KIF6: variants seen among roughly 807,000 people sequenced by gnomAD.
The protein encoded by KIF6 is kinesin-like protein KIF6.
KIF6 carries 106 observed loss-of-function variants against 112.7 expected under a neutral mutation model. The ratio of observed to expected loss-of-function variants is 0.94; its 90% CI spans 0.80 to 1.11. The LOEUF (loss-of-function observed/expected upper bound fraction) is 1.11, where lower values mean the gene tolerates loss of function less well. Among genes scored for constraint, KIF6 ranks in the 50% least tolerant of loss-of-function variants. KIF6 has a pLI of 0.00. For synonymous variants in KIF6, 339 were observed against 339.9 expected, an observed-to-expected ratio of 1.00 and a Z score of 0.03; for missense variants, 929 against 964.0, an observed-to-expected ratio of 0.96 and a Z score of 0.48.
intron 10 of KIF6, among the ~76,000 whole-genome samples, chr6:39,566,526 C>T (rs1780287254): frequency 6.6e-6 from 1 of 152,146 alleles, no homozygotes; most frequent in Non-Finnish European, 1.5e-5. Context: ...TCCATTCTGG[C>T]AATTTATAGT....
chr6:39,346,427 G>C lies in KIF6; in HGVS notation c.2231+49C>G, dbSNP rs370305271. The C allele has an allele frequency of 1.5e-5, 11 of 716,902 alleles. No individual in the cohort carries two copies. In the African/African-American group the frequency reaches 1.9e-4, roughly 13 times the overall value. The allele number at this position is 716,902 out of a possible 1,614,324, so 44.4% of individuals were successfully genotyped here. On this transcript the variant is annotated intron_variant, in intron 20 of 22. Coordinates refer to ENST00000287152, the MANE Select transcript of KIF6 (RefSeq NM_145027.6). ...CTCCCTTGCCCCTTCCACCATGTGA[G>C]GATGCGTCGAGAAGACAGCTGTCTA...
intron 4 of KIF6, among the ~76,000 whole-genome samples, chr6:39,638,896 C>T (rs772489030): frequency 6.6e-6 from 1 of 151,874 alleles, no homozygotes; most frequent in Non-Finnish European, 1.5e-5. Flanking sequence ...AAAGCCAGTC[C>T]GAGGTATAGA....
In KIF6 at chr6:39,541,252, T is replaced by C. The variant is rs540101015; in HGVS notation, c.1427-1031A>G. On this transcript the variant is annotated intron_variant, in intron 12 of 22. Coordinates refer to ENST00000287152, the MANE Select transcript of KIF6 (RefSeq NM_145027.6). The stretch of plus-strand genomic sequence containing the variant: ...AGTCATTTGACCTTCATCTTCCTCC[T>C]CAGCTTTAACTCCCACTTGGTGATT... Among the ~76,000 whole-genome samples, 4 of 152,358 alleles carry C rather than the reference T, an allele frequency of 2.6e-5. No individual in the cohort carries two copies. The South Asian group carries it at 6.2e-4, about 24-fold the overall frequency.
chr6:39,612,474 C>T (rs1262192176), intron 6 of KIF6, among the ~76,000 whole-genome samples: 1 of 152,172 alleles, frequency 6.6e-6, no homozygotes, highest in Admixed American at 6.5e-5. Flanking sequence ...AAACCAGTTA[C>T]AATTTGGGCC....
In KIF6 at chr6:39,649,741, GAAA is replaced by G. The variant is rs1256939704; in HGVS notation, c.252-9987_252-9985del. 5.9e-4 allele frequency among the ~76,000 whole-genome samples: 58 copies of G among 99,078 alleles called. 1 individual carries two copies. Among genetic ancestry groups the G allele is most frequent in the South Asian group, 4.6e-4 (1 of 2,192 alleles). The allele number at this position is 99,078 out of a possible 152,430, so 65.0% of individuals were successfully genotyped here. ...CTGATTAAAGAAAGAAAGAAAGAAAGAAAGAAAGAAAGAAAGAAAGAAAGAAAG... is the reference window on the plus strand; with the variant it reads ...CTGATTAAAGAAAGAAAGAAAGAAAGGAAAGAAAGAAAGAAAGAAAGAAAG... On this transcript the variant is annotated intron_variant, in intron 3 of 22. Coordinates refer to ENST00000287152, the MANE Select transcript of KIF6 (RefSeq NM_145027.6).
chr6:39,616,129 C>A (rs535431465), intron 5 of KIF6, among the ~76,000 whole-genome samples: 1 of 152,086 alleles, frequency 6.6e-6, no homozygotes, highest in African/African-American at 2.4e-5. Flanking sequence ...CACTGATTTG[C>A]GATTATATTT....
intron 13 of KIF6, among the ~76,000 whole-genome samples, chr6:39,497,972 G>A (rs1380815795): frequency 6.6e-6 from 1 of 152,180 alleles, no homozygotes; most frequent in African/African-American, 2.4e-5. Context: ...AATCTAGGAT[G>A]TCTTAGAGAA....
At chr6:39,631,814 C>T in intron 5 of KIF6, among the ~76,000 whole-genome samples, 1 of 151,666 alleles carries the variant, frequency 6.6e-6, no homozygotes, top group African/African-American at 2.4e-5. Context: ...CTCCTATTTC[C>T]TGAAAGAGAT....
intron 6 of KIF6, 131 bp downstream of exon 6, chr6:39,613,058 G>A (rs1223105635): frequency 3.1e-6 from 2 of 643,922 alleles, no homozygotes; most frequent in Non-Finnish European, 4.6e-6. Flanking sequence ...TGCATGTGAG[G>A]TTTGGACGAG....
At chr6:39,404,850 G>A (rs975180281) in intron 15 of KIF6, among the ~76,000 whole-genome samples, 5 of 151,276 alleles carry the variant, frequency 3.3e-5, no homozygotes, top group African/African-American at 1.2e-4. Context: ...TTTTTTATTA[G>A]AGTTTGTTGG....
chr6:39,699,974 A>G (rs1397364815), intron 3 of KIF6, among the ~76,000 whole-genome samples: 1 of 152,200 alleles, frequency 6.6e-6, no homozygotes, highest in Non-Finnish European at 1.5e-5. Context: ...TCCAGCTCAC[A>G]AATCATTTTT....
At chr6:39,681,977 C>CG (rs11383191) in intron 3 of KIF6, among the ~76,000 whole-genome samples, 135,921 of 151,976 alleles carry the variant, frequency 0.89, 61,184 homozygotes, top group East Asian at 0.97. Flanking sequence ...AAATGCTCAT[C>CG]GGGGGAAATA....
intron 3 of KIF6, among the ~76,000 whole-genome samples, chr6:39,707,468 G>A (rs1177020154): frequency 2.0e-5 from 3 of 152,204 alleles, no homozygotes; most frequent in African/African-American, 7.2e-5. Flanking sequence ...ATCTGGGCAG[G>A]GTGGTTAAGT....
chr6:39,639,565 C>A, intron 4 of KIF6, 45 bp downstream of exon 4: 1 of 1,440,418 alleles, frequency 6.9e-7, no homozygotes. Flanking sequence ...TATATTTTTG[C>A]TGAATATATC....
intron 4 of KIF6, among the ~76,000 whole-genome samples, chr6:39,636,334 A>C (rs1402169036): frequency 6.6e-6 from 1 of 152,066 alleles, no homozygotes; most frequent in Non-Finnish European, 1.5e-5. Context: ...CTCAAGCTAC[A>C]GCTGAAATTC....
rs374466057 is a variant in KIF6 at position 39,433,329 on chromosome 6, G to A, written c.1646-2168C>T. ...CGTGGAGGGCACAGAGGAGACAAGCGCAGGCAGTTTGGGATCGTTGTGTAC... is the reference window on the plus strand; with the variant it reads ...CGTGGAGGGCACAGAGGAGACAAGCACAGGCAGTTTGGGATCGTTGTGTAC... On this transcript the variant is annotated intron_variant, in intron 13 of 22. Coordinates refer to ENST00000287152, the MANE Select transcript of KIF6 (RefSeq NM_145027.6). 9.2e-5 allele frequency among the ~76,000 whole-genome samples: 14 copies of A among 152,358 alleles called. No individual in the cohort carries two copies. In the South Asian group the frequency reaches 2.9e-3, roughly 32 times the overall value.
chr6:39,701,604 C>T (rs2113837527), intron 3 of KIF6, among the ~76,000 whole-genome samples: 1 of 152,344 alleles, frequency 6.6e-6, no homozygotes, highest in South Asian at 2.1e-4. Context: ...TTAAGAATTT[C>T]AAGACAGCAA....
chr6:39,580,786 A>G (rs1781243390), intron 9 of KIF6, among the ~76,000 whole-genome samples: 2 of 152,182 alleles, frequency 1.3e-5, no homozygotes, highest in African/African-American at 4.8e-5. Flanking sequence ...TGTACCCTGT[A>G]CTTAAGAAAT....
At chr6:39,674,365 T>C (rs772823096) in intron 3 of KIF6, among the ~76,000 whole-genome samples, 35 of 152,234 alleles carry the variant, frequency 2.3e-4, no homozygotes, top group Admixed American at 1.6e-3. Context: ...CTGAGCAAAA[T>C]GCAGAAAGAG....
Sources: gnomAD v4.1 joint callset for allele counts (sites outside exome capture counted in the v4.1 genomes callset) on GRCh38, gnomAD v4.1.1 for gene constraint, MANE v1.5 for transcripts, NCBI Gene and HGNC (gene_info 2026-07-23, HGNC 2026-07-21) for gene names.